SACS: variants seen among roughly 807,000 people sequenced by gnomAD.
SACS encodes sacsin molecular chaperone.
In SACS, 197 loss-of-function variants were observed where a neutral mutation model predicts 348.0. That is an observed-to-expected ratio of 0.57 (90% confidence interval 0.50 to 0.64). The LOEUF (loss-of-function observed/expected upper bound fraction) is 0.64, where lower values mean the gene tolerates loss of function less well. SACS is among the 30% of genes least tolerant of loss of function. The pLI is 0.00. For synonymous variants in SACS, 1,985 were observed against 1,910.6 expected (o/e 1.04, Z -1.02); for missense variants, 4,999 against 5,360.8 (o/e 0.93, Z 2.11).
chr13:23,334,609 AGGAATAT>A lies in SACS; in HGVS notation c.9260_9266del (p.Asp3087ValfsTer5). ...TATCAGCAGGGGTCACATAACTAACAGGAATATCTGCATCTATAAGACAGTGGTAAAG... is the reference window on the plus strand; with the variant it reads ...TATCAGCAGGGGTCACATAACTAACACTGCATCTATAAGACAGTGGTAAAG... On this transcript the variant is annotated frameshift_variant, in exon 10 of 10. Transcript: ENST00000382292. LOFTEE classifies it high-confidence loss of function. 6.2e-7 allele frequency: 1 copy of A among 1,613,560 alleles called. No homozygotes were observed. Among genetic ancestry groups the A allele is most frequent in the Non-Finnish European group, 8.5e-7 (1 of 1,179,770 alleles).
chr13:23,404,128 G>A (rs1054423641), intron 2 of SACS, among the ~76,000 whole-genome samples: 14 of 152,118 alleles, frequency 9.2e-5, no homozygotes, highest in South Asian at 2.1e-4. Flanking sequence ...TATGATTTGC[G>A]TTCTTTTGCA....
rs1296261982 is a variant in SACS, at chr13:23,355,497, G to A, written c.1115C>T (p.Thr372Ile). Reference sequence around the variant, plus strand: ...TTCTAAAACAATATTTACGTGATATGTTACACAGGTGATGTTATTGCTTGG... The same window carrying A: ...TTCTAAAACAATATTTACGTGATATATTACACAGGTGATGTTATTGCTTGG... The part of the protein sequence containing the change: ...KTPSNNITCV[T>I]YHVNIVLEEE... The change falls in exon 8 of 10, where the codon ACA becomes ATA. Residue 372 changes from threonine to isoleucine, a missense_variant. Coordinates refer to ENST00000382292, the MANE Select transcript of SACS (RefSeq NM_014363.6). 1.9e-6 allele frequency: 3 copies of A among 1,613,920 alleles called. No homozygotes were observed. The highest frequency in any genetic ancestry group is 1.3e-5 in the African/African-American group (1 of 74,882).
Position 23,331,181 on chromosome 13 carries a change from C to T in SACS, c.12695G>A (p.Ser4232Asn). The T allele has an allele frequency of 6.2e-7, 1 of 1,613,732 alleles. No homozygotes were observed. The highest frequency in any genetic ancestry group is 8.5e-7 in the Non-Finnish European group (1 of 1,179,668). Residue 4232 changes from serine to asparagine, a missense_variant, in exon 10 of 10, where the codon AGT (serine) becomes AAT (asparagine). Physicochemically the swap from Ser to Asn is conservative, Grantham distance 46. Transcript: ENST00000382292. Reference protein sequence around the residue: ...GKIYQIDIGYSEYKIVSSLDL... With the variant: ...GKIYQIDIGYNEYKIVSSLDL... ...AAGAGAGCTAACTATTTTATATTCA[C>T]TATAACCAATATCTATCTGATATAT...
rs750554944 is a variant in SACS, at chr13:23,337,513, T to C, written c.6363A>G (p.Ala2121=). 6.2e-7 allele frequency: 1 copy of C among 1,613,940 alleles called. No homozygotes were observed. The highest frequency in any genetic ancestry group is 1.1e-5 in the South Asian group (1 of 91,052). The change falls in exon 10 of 10, where the codon GCA becomes GCG. Residue 2121 remains alanine (A), a synonymous_variant. Transcript: ENST00000382292. The part of the protein sequence containing the change: ...SRLIHPEGRV[A]KLFDIKDGRF... ...TCCCATCTTTAATATCAAATAACTTTGCAACTCGTCCTTCGGGGTGGATCA... is the reference window on the plus strand; with the variant it reads ...TCCCATCTTTAATATCAAATAACTTCGCAACTCGTCCTTCGGGGTGGATCA...
chr13:23,333,945 C>T lies in SACS; in HGVS notation c.9931G>A (p.Val3311Ile). The change falls in exon 10 of 10, where the codon GTT becomes ATT. Residue 3311 changes from valine (V) to isoleucine (I), a missense_variant. Around this residue, in one of 6 missense-constraint regions of SACS, gnomAD observed 734 missense variants for 694.0 expected, o/e 1.06. Coordinates refer to ENST00000382292, the MANE Select transcript of SACS (RefSeq NM_014363.6). ...TTATCACTCTGGGCATTTGGAAAAA[C>T]TGCAATGTGCATAAGGCTGAGAGGA... ...LLPLSLMHIA[V>I]FPNAQSDKVF... is the part of the protein sequence containing the mutation. 1 of 1,613,832 alleles carries T rather than the reference C, an allele frequency of 6.2e-7. No individual in the cohort carries two copies. The highest frequency in any genetic ancestry group is 8.5e-7 in the Non-Finnish European group (1 of 1,179,840).
chr13:23,360,975 G>A (rs988763209), intron 6 of SACS, among the ~76,000 whole-genome samples: 2 of 152,058 alleles, frequency 1.3e-5, no homozygotes, highest in African/African-American at 4.8e-5. Context: ...GTCTGGTCTT[G>A]AACTCCTGAC....
Position 23,335,309 on chromosome 13 carries a change from C to T in SACS, c.8567G>A (p.Cys2856Tyr). 6.2e-7 allele frequency: 1 copy of T among 1,613,890 alleles called. No individual in the cohort carries two copies. Among genetic ancestry groups the T allele is most frequent in the Non-Finnish European group, 8.5e-7 (1 of 1,179,860 alleles). ...GGGTTTTTTATAGTTGTGAGTAATGCAGGCAGCTACTCCACCACGTGGGAA... is the reference window on the plus strand; with the variant it reads ...GGGTTTTTTATAGTTGTGAGTAATGTAGGCAGCTACTCCACCACGTGGGAA... ...TLFPRGGVAA[C>Y]ITHNYKKPHR... Residue 2856 changes from cysteine (C) to tyrosine (Y), a missense_variant, in exon 10 of 10, where the codon TGC (cysteine) becomes TAC (tyrosine). Coordinates refer to ENST00000382292, the MANE Select transcript of SACS (RefSeq NM_014363.6). This position sits in a 1 kb window ranked among gnomAD's most constrained non-coding sequence, Gnocchi z 4.7.
At chr13:23,373,438 TA>T (rs1871517992) in intron 3 of SACS, 1 of 153,054 alleles carries the variant, frequency 6.5e-6, no homozygotes, top group African/African-American at 2.4e-5. Flanking sequence ...CATTCTACAC[TA>T]CGATGAGGTG....
At chr13:23,341,819 C>G (rs1435962690) in intron 9 of SACS, 129 bp from the exon 10 acceptor site, 1 of 785,846 alleles carries the variant, frequency 1.3e-6, no homozygotes, top group East Asian at 2.9e-5. Context: ...CGGAGTCTTG[C>G]TCTGTCGCCC....
chr13:23,384,969 T>C (rs769795254), intron 2 of SACS, among the ~76,000 whole-genome samples: 16 of 152,106 alleles, frequency 1.1e-4, no homozygotes, highest in Non-Finnish European at 1.9e-4. Context: ...TCTTTAAAAA[T>C]GTACATTCCT....
In SACS at chr13:23,340,455, G is replaced by A. The variant is rs755429386; in HGVS notation, c.3421C>T (p.Leu1141=). 1 of 1,613,962 alleles carries A rather than the reference G, an allele frequency of 6.2e-7. No individual in the cohort carries two copies. The highest frequency in any genetic ancestry group is 8.5e-7 in the Non-Finnish European group (1 of 1,179,976). ...LLLVLNKNHT[L]LQSSEGKMTL... ...ATCTTTCCTTCAGATGATTGCAACA[G>A]TGTGTGATTCTTATTTAAAACCAGT... The change falls in exon 10 of 10, where the codon CTG becomes TTG. Residue 1141 remains leucine, a synonymous_variant. Coordinates refer to ENST00000382292, the MANE Select transcript of SACS (RefSeq NM_014363.6).
At chr13:23,413,982 G>A (rs1873603545) in intron 1 of SACS, among the ~76,000 whole-genome samples, 1 of 152,148 alleles carries the variant, frequency 6.6e-6, no homozygotes, top group African/African-American at 2.4e-5. Flanking sequence ...TAAAGTAAAG[G>A]ATTAGGATCA....
intron 1 of SACS, among the ~76,000 whole-genome samples, chr13:23,418,488 A>G (rs986492876): frequency 2.0e-5 from 3 of 150,888 alleles, no homozygotes; most frequent in Non-Finnish European, 4.4e-5. Context: ...TCCACATTTG[A>G]GTGCTTCAGT....
rs764486512 is a variant in SACS, at chr13:23,336,378, G to C, written c.7498C>G (p.Pro2500Ala). 3 of 1,613,996 alleles carry C rather than the reference G, an allele frequency of 1.9e-6. No individual in the cohort carries two copies. The South Asian group carries it at 3.3e-5, about 18-fold the overall frequency. The change falls in exon 10 of 10, where the codon CCA becomes GCA. Residue 2500 changes from proline (P) to alanine (A), a missense_variant. Pro to Ala is a conservative substitution (Grantham distance 27, BLOSUM62 -1). This residue lies in a region of SACS where 3,156 missense variants were observed against 3,380.1 expected (regional missense o/e 0.93). Transcript: ENST00000382292. ...REVAVKLGAV[P>A]KRHKALERYA... ...CTTTCTAAGGCTTTGTGTCGCTTTG[G>C]GACTGCTCCTAGTTTTACTGCTACT... is the stretch of plus-strand genomic sequence containing the variant.
In SACS at chr13:23,330,281, T is replaced by A; in HGVS notation, c.13595A>T (p.Asp4532Val). The A allele has an allele frequency of 6.2e-7, 1 of 1,614,226 alleles. No individual in the cohort carries two copies. Among genetic ancestry groups the A allele is most frequent in the Non-Finnish European group, 8.5e-7 (1 of 1,180,018 alleles). The stretch of plus-strand genomic sequence containing the variant: ...ATCAGGGTATCTTGTTTTTAAACTG[T>A]CTACACCATAAGCTTCCAATGTGTG... Reference protein sequence around the residue: ...DVHTLEAYGVDSLKTRYPDLL... With the variant: ...DVHTLEAYGVVSLKTRYPDLL... Residue 4532 changes from aspartate to valine, a missense_variant, in exon 10 of 10, where the codon GAC becomes GTC. Asp to Val is a radical substitution (Grantham distance 152). Transcript: ENST00000382292.
chr13:23,385,386 T>C (rs1378140915), intron 2 of SACS, among the ~76,000 whole-genome samples: 1 of 150,126 alleles, frequency 6.7e-6, no homozygotes, highest in Non-Finnish European at 1.5e-5. Flanking sequence ...TGAGATAGAG[T>C]TTTGCTCTTG....
At position 23,333,894 on chromosome 13, in the gene SACS, C is replaced by A; in HGVS notation, c.9982G>T (p.Gly3328Cys). The A allele has an allele frequency of 6.2e-7, 1 of 1,613,796 alleles. No individual in the cohort carries two copies. The highest frequency in any genetic ancestry group is 8.5e-7 in the Non-Finnish European group (1 of 1,179,832). Residue 3328 changes from glycine (G) to cysteine (C), a missense_variant, in exon 10 of 10, where the codon GGC becomes TGC. This residue lies in a region of SACS where 734 missense variants were observed against 694.0 expected (regional missense o/e 1.06). Coordinates refer to ENST00000382292, the MANE Select transcript of SACS (RefSeq NM_014363.6). ...DKVFHALMKAGCIQLALNKIC... is the reference protein window; with the variant it reads ...DKVFHALMKACCIQLALNKIC... Reference sequence around the variant, plus strand: ...TTGTTCAAAGCAAGCTGAATACAGCCAGCTTTCATTAGAGCATGAAAAACT... The same window carrying A: ...TTGTTCAAAGCAAGCTGAATACAGCAAGCTTTCATTAGAGCATGAAAAACT...
In SACS at chr13:23,339,456, C is replaced by T; in HGVS notation, c.4420G>A (p.Val1474Met). The change falls in exon 10 of 10, where the codon GTG (valine) becomes ATG (methionine). Residue 1474 changes from valine to methionine, a missense_variant. This residue lies in a region of SACS where 3,156 missense variants were observed against 3,380.1 expected (regional missense o/e 0.93). Coordinates refer to ENST00000382292, the MANE Select transcript of SACS (RefSeq NM_014363.6). ...IKNILEEYPS[V>M]SDIFKELLQN... ...AGTAGTTCTTTAAAAATATCTGACA[C>T]TGAAGGGTATTCTTCCAGAATATTT... is the stretch of plus-strand genomic sequence containing the variant. 6.2e-7 allele frequency: 1 copy of T among 1,605,144 alleles called. No individual in the cohort carries two copies. The highest frequency in any genetic ancestry group is 8.5e-7 in the Non-Finnish European group (1 of 1,175,472).
chr13:23,330,479 T>A lies in SACS; in HGVS notation c.13397A>T (p.His4466Leu), dbSNP rs190863371. Reference protein sequence around the residue: ...ANFSAARNDLHKNANEWVCFK... With the variant: ...ANFSAARNDLLKNANEWVCFK... The stretch of plus-strand genomic sequence containing the variant: ...GCACACCCACTCATTGGCATTTTTA[T>A]GAAGGTCATTCCTGGCAGCTGAGAA... Residue 4466 changes from histidine to leucine, a missense_variant, in exon 10 of 10, where the codon CAT becomes CTT. By Grantham distance (99) the His-to-Leu change is moderately conservative. Coordinates refer to ENST00000382292, the MANE Select transcript of SACS (RefSeq NM_014363.6). 3.1e-6 allele frequency: 5 copies of A among 1,614,222 alleles called. No individual in the cohort carries two copies. Among genetic ancestry groups the A allele is most frequent in the Non-Finnish European group, 4.2e-6 (5 of 1,180,026 alleles).
Sources: allele counts gnomAD v4.1 joint callset (sites outside exome capture counted in the v4.1 genomes callset), GRCh38; gene constraint gnomAD v4.1.1; regional missense constraint gnomAD v4.1.1; non-coding constraint Gnocchi (gnomAD v3.1); transcripts MANE v1.5; gene names NCBI Gene and HGNC (gene_info 2026-07-23, HGNC 2026-07-21).